The following OMD variants were observed in gnomAD, a reference collection of about 807,000 sequenced individuals.
OMD encodes osteomodulin, also known as KSPG osteomodulin.
OMD carries 19 observed loss-of-function variants against 31.2 expected under a neutral mutation model. The observed-to-expected ratio is 0.61, with a 90% CI of 0.42 to 0.89. OMD has a LOEUF of 0.89. Among genes scored for constraint, OMD ranks in the 40% least tolerant of loss-of-function variants. The pLI is 0.00. For missense variants in OMD, 448 were observed against 490.8 expected, an observed-to-expected ratio of 0.91 and a Z score of 0.82; for synonymous variants, 155 against 166.4, an observed-to-expected ratio of 0.93 and a Z score of 0.53.
In OMD at chr9:92,416,722, A is replaced by G; in HGVS notation, c.837T>C (p.Leu279=). The G allele has an allele frequency of 6.2e-7, 1 of 1,613,612 alleles. No individual in the cohort carries two copies. Among genetic ancestry groups the G allele is most frequent in the Non-Finnish European group, 8.5e-7 (1 of 1,179,640 alleles). The change falls in exon 2 of 3, where the codon CTT becomes CTC. Residue 279 remains leucine, a synonymous_variant. Coordinates refer to ENST00000375550, the MANE Select transcript of OMD (RefSeq NM_005014.3). ...CAACACTGAGTTCTACAATGTTGGG[A>G]AGATTAAAAATATTATATGGGATGT... ...LQDIPYNIFN[L]PNIVELSVGH...
chr9:92,417,522 A>G lies in OMD; in HGVS notation c.37T>C (p.Phe13Leu), dbSNP rs762194760. The G allele has an allele frequency of 4.4e-6, 7 of 1,606,962 alleles. No individual in the cohort carries two copies. The South Asian group carries it at 7.8e-5, about 18-fold the overall frequency. The stretch of plus-strand genomic sequence containing the variant: ...TGGCAATGTACTTTGACTCCAAAAA[A>G]GAAGAAAATAACATATATTGGACTT... ...FLSPIYVIFF[F>L]FGVKVHCQYE... The change falls in exon 2 of 3, where the codon TTT becomes CTT. Residue 13 changes from phenylalanine (F) to leucine (L), a missense_variant. Coordinates refer to ENST00000375550, the MANE Select transcript of OMD (RefSeq NM_005014.3).
chr9:92,421,529 C>T (rs1564312403), intron 1 of OMD, among the ~76,000 whole-genome samples: 1 of 152,194 alleles, frequency 6.6e-6, no homozygotes, highest in Non-Finnish European at 1.5e-5. Flanking sequence ...TCAGAGCAGG[C>T]TCTCCTTGCT....
chr9:92,415,336 TA>T lies in OMD; in HGVS notation c.1081del (p.Tyr361IlefsTer15), dbSNP rs1193643004. The T allele has an allele frequency of 3.1e-6, 5 of 1,613,698 alleles. No homozygotes were observed. Among genetic ancestry groups the T allele is most frequent in the Admixed American group, 3.3e-5 (2 of 59,996 alleles). On this transcript the variant is annotated frameshift_variant, in exon 3 of 3. Coordinates refer to ENST00000375550, the MANE Select transcript of OMD (RefSeq NM_005014.3). LOFTEE classifies it high-confidence loss of function. ...ATTAGTGCTTCGTTGTTCACCATAATAAATAGTGTGTATATGAGGGAAGCAG... is the reference window on the plus strand; with the variant it reads ...ATTAGTGCTTCGTTGTTCACCATAATAATAGTGTGTATATGAGGGAAGCAG... The part of the protein sequence containing the change: ...FFCFPHIHTI[Y>X]YGEQRSTNGQ...
chr9:92,416,666 A>C lies in OMD; in HGVS notation c.893T>G (p.Ile298Ser). The change falls in exon 2 of 3, where the codon ATT becomes AGT. Residue 298 changes from isoleucine to serine, a missense_variant. By Grantham distance (142) the Ile-to-Ser change is moderately radical. Coordinates refer to ENST00000375550, the MANE Select transcript of OMD (RefSeq NM_005014.3). ...GHNKLKQAFY[I>S]PRNLEHLYLQ... ...GTATAGGTGTTCCAAATTTCTTGGA[A>C]TATAGAATGCTTGCTTCAATTTGTT... The C allele has an allele frequency of 6.2e-7, 1 of 1,607,370 alleles. No homozygotes were observed. Among genetic ancestry groups the C allele is most frequent in the Non-Finnish European group, 8.5e-7 (1 of 1,178,036 alleles).
Position 92,417,057 on chromosome 9 carries a change from G to A in OMD, c.502C>T (p.Leu168Phe). 5.0e-6 allele frequency: 8 copies of A among 1,613,970 alleles called. No homozygotes were observed. The highest frequency in any genetic ancestry group is 6.8e-6 in the Non-Finnish European group (8 of 1,179,970). Residue 168 changes from leucine (L) to phenylalanine (F), a missense_variant, in exon 2 of 3, where the codon CTT becomes TTT. Coordinates refer to ENST00000375550, the MANE Select transcript of OMD (RefSeq NM_005014.3). ...TTGGAGATTTCATTGTAACCAAGAA[G>A]GAGTCTTTCCAGAGATTTAGGAAGA... ...FPLPKSLERLLLGYNEISKLQ... is the reference protein window; with the variant it reads ...FPLPKSLERLFLGYNEISKLQ...
chr9:92,420,515 A>G (rs1366561698), intron 1 of OMD, among the ~76,000 whole-genome samples: 1 of 152,166 alleles, frequency 6.6e-6, no homozygotes, highest in Admixed American at 6.5e-5. Flanking sequence ...ACTAACCTCA[A>G]GTGCTGTCCT....
In OMD at chr9:92,413,393, C is replaced by A. The variant is rs934397363; in HGVS notation, c.*1759G>T. 3.9e-5 allele frequency among the ~76,000 whole-genome samples: 6 copies of A among 152,260 alleles called. No homozygotes were observed. Among genetic ancestry groups the A allele is most frequent in the South Asian group, 4.1e-4 (2 of 4,826 alleles). ...AAGGCTCCAATTTTTCCACATCTTGCCAACACTTGTTATTTGTCTGCCTTT... is the reference window on the plus strand; with the variant it reads ...AAGGCTCCAATTTTTCCACATCTTGACAACACTTGTTATTTGTCTGCCTTT... On this transcript the variant is annotated 3_prime_UTR_variant, in exon 3 of 3. Transcript: ENST00000375550.
intron 2 of OMD, 50 bp from the exon 3 acceptor site, chr9:92,415,527 G>A: frequency 9.8e-7 from 1 of 1,015,434 alleles, no homozygotes; most frequent in South Asian, 2.1e-5. Flanking sequence ...ATAATCCATA[G>A]TTATAGCCAT....
Position 92,414,987 on chromosome 9 carries a change from TC to T in OMD, c.*164del, listed in dbSNP as rs1486933012. On this transcript the variant is annotated 3_prime_UTR_variant, in exon 3 of 3. Coordinates refer to ENST00000375550, the MANE Select transcript of OMD (RefSeq NM_005014.3). ...TTACATTATTTTGAGTAAGTTCTAA[TC>T]CTATGAAATGATGCAGATGTCACCA... 1.0e-5 allele frequency: 5 copies of T among 485,538 alleles called. No individual in the cohort carries two copies. Among genetic ancestry groups the T allele is most frequent in the Non-Finnish European group, 1.8e-5 (5 of 280,956 alleles). 30.1% of individuals were successfully genotyped at this position (485,538 alleles called of 1,614,324 possible).
rs997422837 is a variant in OMD, at chr9:92,418,033, C to T, written c.-16-459G>A. 3.6e-4 allele frequency among the ~76,000 whole-genome samples: 54 copies of T among 149,692 alleles called. 1 individual carries two copies. The highest frequency in any genetic ancestry group is 6.5e-4 in the Non-Finnish European group (44 of 67,338). ...GTGAGCCACCACGCCTGGCCTCAAA[C>T]CAAAATTAATGTTTAAGTACAAATG... On this transcript the variant is annotated intron_variant, in intron 1 of 2. Coordinates refer to ENST00000375550, the MANE Select transcript of OMD (RefSeq NM_005014.3).
Position 92,415,397 on chromosome 9 carries a change from T to G in OMD, c.1021A>C (p.Lys341Gln). 6.2e-7 allele frequency: 1 copy of G among 1,613,746 alleles called. No individual in the cohort carries two copies. Among genetic ancestry groups the G allele is most frequent in the Non-Finnish European group, 8.5e-7 (1 of 1,179,810 alleles). The change falls in exon 3 of 3, where the codon AAA (lysine) becomes CAA (glutamine). Residue 341 changes from lysine (K) to glutamine (Q), a missense_variant. Lys to Gln is a moderately conservative substitution (Grantham distance 53). Coordinates refer to ENST00000375550, the MANE Select transcript of OMD (RefSeq NM_005014.3). The part of the protein sequence containing the change: ...HLTYIRVDQN[K>Q]LKEPISSYIF... Reference sequence around the variant, plus strand: ...TATGAGCTTATTGGTTCTTTTAGTTTATTTTGGTCCACACGAATGTATGTT... The same window carrying G: ...TATGAGCTTATTGGTTCTTTTAGTTGATTTTGGTCCACACGAATGTATGTT...
intron 2 of OMD, among the ~76,000 whole-genome samples, chr9:92,416,058 G>GTGTATATATA (rs6151074): frequency 3.1e-5 from 4 of 130,916 alleles, no homozygotes; most frequent in East Asian, 2.2e-4. Context: ...ATATATGTGT[G>GTGTATATATA]TATATATATA....
chr9:92,416,075 T>TA (rs1843596849), intron 2 of OMD, among the ~76,000 whole-genome samples: 2 of 136,190 alleles, frequency 1.5e-5, no homozygotes, highest in East Asian at 2.3e-4. Flanking sequence ...TATATATTTA[T>TA]TTATTTATTT....
Position 92,416,822 on chromosome 9 carries a change from G to A in OMD, c.737C>T (p.Ser246Phe), listed in dbSNP as rs149148413. 2.5e-6 allele frequency: 4 copies of A among 1,613,882 alleles called. No homozygotes were observed. In the South Asian group the frequency reaches 4.4e-5, roughly 18 times the overall value. ...MYLSLENNSI[S>F]SIPEKYFDKL... ...GTCGAAGTATTTTTCGGGTATAGAA[G>A]AAATTGAATTATTTTCTAAAGACAG... The change falls in exon 2 of 3, where the codon TCT becomes TTT. Residue 246 changes from serine (S) to phenylalanine (F), a missense_variant. Transcript: ENST00000375550.
rs547476225 is a variant in OMD at position 92,412,423 on chromosome 9, A to G, written c.*2729T>C. Among the ~76,000 whole-genome samples the G allele has an allele frequency of 2.6e-5, 4 of 152,244 alleles. No homozygotes were observed. The highest frequency in any genetic ancestry group is 9.6e-5 in the African/African-American group (4 of 41,554). Reference sequence around the variant, plus strand: ...ATTTAATAGTACTTAGTGTTTTTGCATTTGTACAACCATCACCACAGTCAA... The same window carrying G: ...ATTTAATAGTACTTAGTGTTTTTGCGTTTGTACAACCATCACCACAGTCAA... On this transcript the variant is annotated 3_prime_UTR_variant, in exon 3 of 3. Transcript: ENST00000375550.
In OMD at chr9:92,415,221, A is replaced by C. The variant is rs1268001580; in HGVS notation, c.1197T>G (p.Ala399=). 6.2e-7 allele frequency: 1 copy of C among 1,613,732 alleles called. No homozygotes were observed. The change falls in exon 3 of 3, where the codon GCT becomes GCG. Residue 399 remains alanine (A), a synonymous_variant. Transcript: ENST00000375550. ...ESEDHDDPDN[A]HESPEQEGAE... is the part of the protein sequence containing the mutation. Reference sequence around the variant, plus strand: ...CTCCTTCTTGTTCTGGGCTCTCATGAGCATTGTCAGGATCATCGTGATCTT... The same window carrying C: ...CTCCTTCTTGTTCTGGGCTCTCATGCGCATTGTCAGGATCATCGTGATCTT...
chr9:92,420,118 C>T (rs1843741912), intron 1 of OMD, among the ~76,000 whole-genome samples: 1 of 152,170 alleles, frequency 6.6e-6, no homozygotes, highest in South Asian at 2.1e-4. Context: ...CACCCGCATC[C>T]TGGGTTTTGT....
At chr9:92,423,381 T>C (rs1456866086) in intron 1 of OMD, among the ~76,000 whole-genome samples, 1 of 152,158 alleles carries the variant, frequency 6.6e-6, no homozygotes, top group East Asian at 1.9e-4. Flanking sequence ...AAAGTTTCAA[T>C]TGAAATTACT....
rs1843637012 is a variant in OMD at position 92,417,079 on chromosome 9, A to C, written c.480T>G (p.Leu160=). The change falls in exon 2 of 3, where the codon CTT becomes CTG. Residue 160 remains leucine, a synonymous_variant. Transcript: ENST00000375550. The part of the protein sequence containing the change: ...HNNLEEFPFP[L]PKSLERLLLG... ...GAAGGAGTCTTTCCAGAGATTTAGG[A>C]AGAGGAAATGGAAATTCTTCTAAAT... The C allele has an allele frequency of 6.2e-7, 1 of 1,613,944 alleles. No individual in the cohort carries two copies. Among genetic ancestry groups the C allele is most frequent in the Non-Finnish European group, 8.5e-7 (1 of 1,179,932 alleles).
Sources: allele counts gnomAD v4.1 joint callset (sites outside exome capture counted in the v4.1 genomes callset), GRCh38; gene constraint gnomAD v4.1.1; transcripts MANE v1.5; gene names NCBI Gene and HGNC (gene_info 2026-07-23, HGNC 2026-07-21).